The following LYPD6B variants were observed in gnomAD, a reference collection of about 807,000 sequenced individuals.
The protein encoded by LYPD6B is LY6/PLAUR domain containing 6B.
Under a neutral mutation model 22.8 loss-of-function variants are expected in LYPD6B, and 17 were observed. The observed-to-expected ratio is 0.75, with a 90% CI of 0.51 to 1.12. The LOEUF is 1.12. LYPD6B is among the 50% of genes most tolerant of loss of function. LYPD6B has a pLI of 0.00. For synonymous variants in LYPD6B, 106 were observed against 91.6 expected (o/e 1.16, Z -0.90); for missense variants, 221 against 258.3 (o/e 0.86, Z 0.99).
chr2:149,123,839 G>A (rs1210483880), intron 1 of LYPD6B, among the ~76,000 whole-genome samples: 2 of 152,176 alleles, frequency 1.3e-5, no homozygotes, highest in South Asian at 2.1e-4. Context: ...CAGCCTGGCC[G>A]ACAGAGAGAG....
rs187292354 is a variant in LYPD6B at position 149,065,222 on chromosome 2, G to T, written c.-67+26421G>T. On this transcript the variant is annotated intron_variant, in intron 1 of 6. Coordinates refer to ENST00000409642, the MANE Select transcript of LYPD6B (RefSeq NM_177964.5). The stretch of plus-strand genomic sequence containing the variant: ...TAGACATCCAACAAAATCATTGTAG[G>T]AAACAATGTGTGTTTGAAAACTACT... 1.3e-4 allele frequency among the ~76,000 whole-genome samples: 20 copies of T among 152,280 alleles called. No homozygotes were observed. The East Asian group carries it at 3.3e-3, about 25-fold the overall frequency.
chr2:149,119,340 C>T (rs375597830), intron 1 of LYPD6B, among the ~76,000 whole-genome samples: 11 of 152,252 alleles, frequency 7.2e-5, no homozygotes, highest in African/African-American at 2.2e-4. Context: ...AAAATTAAAG[C>T]GTAAGAAGCT....
intron 3 of LYPD6B, among the ~76,000 whole-genome samples, chr2:149,167,108 G>T (rs1383154109): frequency 6.6e-6 from 1 of 150,854 alleles, no homozygotes; most frequent in African/African-American, 2.4e-5. Context: ...ATTCAAACCA[G>T]CTGGGACAGT....
At chr2:149,066,008 G>T (rs558175764) in intron 1 of LYPD6B, among the ~76,000 whole-genome samples, 5 of 152,046 alleles carry the variant, frequency 3.3e-5, no homozygotes, top group Non-Finnish European at 7.4e-5. Context: ...TACCGCACTC[G>T]GCCCTAATAA....
Position 149,214,603 on chromosome 2 carries a change from A to G in LYPD6B, c.517A>G (p.Thr173Ala). Reference sequence around the variant, plus strand: ...CAATGTAGAATTACCCACCAATCACACTAATGCAGTGTTTGCCGTAATGCA... The same window carrying G: ...CAATGTAGAATTACCCACCAATCACGCTAATGCAGTGTTTGCCGTAATGCA... ...ICNVELPTNH[T>A]NAVFAVMHAQ... The change falls in exon 7 of 7, where the codon ACT becomes GCT. Residue 173 changes from threonine to alanine, a missense_variant. Transcript: ENST00000409642. The G allele has an allele frequency of 6.2e-7, 1 of 1,613,876 alleles. No homozygotes were observed. The highest frequency in any genetic ancestry group is 2.2e-5 in the East Asian group (1 of 44,860).
chr2:149,084,199 T>C (rs1574937712), intron 1 of LYPD6B, among the ~76,000 whole-genome samples: 1 of 152,208 alleles, frequency 6.6e-6, no homozygotes, highest in East Asian at 1.9e-4. Context: ...CCCAACAACT[T>C]TCCAACCCTG....
At chr2:149,072,014 C>T (rs1684626672) in intron 1 of LYPD6B, among the ~76,000 whole-genome samples, 1 of 152,154 alleles carries the variant, frequency 6.6e-6, no homozygotes, top group African/African-American at 2.4e-5. Flanking sequence ...TCACTACAAC[C>T]TCTGCCTCCC....
At chr2:149,147,755 G>C (rs417977) in intron 2 of LYPD6B, among the ~76,000 whole-genome samples, 96,427 of 151,878 alleles carry the variant, frequency 0.63, 30,731 homozygotes, top group South Asian at 0.75. Context: ...CACAGGTGAT[G>C]CACTCATCTT....
chr2:149,184,806 A>G (rs1691982720), intron 3 of LYPD6B, among the ~76,000 whole-genome samples: 1 of 152,154 alleles, frequency 6.6e-6, no homozygotes, highest in African/African-American at 2.4e-5. Context: ...TCAGGTGTGT[A>G]TGGAGTGGTG....
At chr2:149,082,481 G>A (rs924234230) in intron 1 of LYPD6B, among the ~76,000 whole-genome samples, 2 of 152,202 alleles carry the variant, frequency 1.3e-5, no homozygotes, top group African/African-American at 4.8e-5. Context: ...GAGAGAAATA[G>A]AGAAGTTCTT....
intron 2 of LYPD6B, among the ~76,000 whole-genome samples, chr2:149,141,376 T>C (rs1688684376): frequency 6.6e-6 from 1 of 152,204 alleles, no homozygotes; most frequent in African/African-American, 2.4e-5. Flanking sequence ...AGTTGTTTGG[T>C]GTGTCTTTTC....
chr2:149,136,358 T>C (rs1246556978), intron 2 of LYPD6B, among the ~76,000 whole-genome samples: 1 of 152,180 alleles, frequency 6.6e-6, no homozygotes, highest in African/African-American at 2.4e-5. Context: ...CTGGACTAAA[T>C]GAAAGAATTA....
At chr2:149,113,512 G>T (rs1481963277) in intron 1 of LYPD6B, among the ~76,000 whole-genome samples, 1 of 152,186 alleles carries the variant, frequency 6.6e-6, no homozygotes, top group African/African-American at 2.4e-5. Context: ...TCCTGGCTAA[G>T]TGGGCAGTAT....
At chr2:149,137,875 G>C (rs1419221413) in intron 2 of LYPD6B, among the ~76,000 whole-genome samples, 1 of 152,098 alleles carries the variant, frequency 6.6e-6, no homozygotes, top group Non-Finnish European at 1.5e-5. Context: ...CAATCTTTCT[G>C]GGGCAATTTG....
intron 2 of LYPD6B, among the ~76,000 whole-genome samples, chr2:149,158,430 A>T (rs1689843287): frequency 6.6e-6 from 1 of 152,212 alleles, no homozygotes; most frequent in Non-Finnish European, 1.5e-5. Context: ...GAAAGGATAA[A>T]TATTGTATGA....
intron 1 of LYPD6B, among the ~76,000 whole-genome samples, chr2:149,071,595 A>G (rs1294275403): frequency 4.6e-5 from 7 of 152,212 alleles, no homozygotes; most frequent in Non-Finnish European, 7.3e-5. Context: ...CATACACTAA[A>G]TAATAACAAT....
intron 1 of LYPD6B, among the ~76,000 whole-genome samples, chr2:149,065,310 A>G (rs781464292): frequency 6.6e-6 from 1 of 152,318 alleles, no homozygotes; most frequent in East Asian, 1.9e-4. Flanking sequence ...TGCCAAGTTG[A>G]TCCAAAGGCT....
rs1480641584 is a variant in LYPD6B at position 149,131,412 on chromosome 2, G to A, written c.5+459G>A. 5 of 153,232 alleles carry A rather than the reference G, an allele frequency of 3.3e-5. No homozygotes were observed. The East Asian group carries it at 9.6e-4, about 29-fold the overall frequency. 9.5% of individuals were successfully genotyped at this position (153,232 alleles called of 1,614,324 possible). A position where few individuals can be genotyped will look rare whatever the true frequency, so the allele number is the denominator to read the frequency against. ...ATAGGTCTAAATAACCTCCTTAGTTGTACTGGCAGGACCAAGTAAAAAGAC... is the reference window on the plus strand; with the variant it reads ...ATAGGTCTAAATAACCTCCTTAGTTATACTGGCAGGACCAAGTAAAAAGAC... On this transcript the variant is annotated intron_variant, in intron 2 of 6. Coordinates refer to ENST00000409642, the MANE Select transcript of LYPD6B (RefSeq NM_177964.5).
intron 3 of LYPD6B, among the ~76,000 whole-genome samples, chr2:149,174,264 C>T (rs746913243): frequency 1.3e-5 from 2 of 152,194 alleles, no homozygotes; most frequent in African/African-American, 2.4e-5. Flanking sequence ...AGTTGCTTAT[C>T]AGCTAAAGAA....
Sources: gnomAD v4.1 joint callset for allele counts (sites outside exome capture counted in the v4.1 genomes callset) on GRCh38, gnomAD v4.1.1 for gene constraint, MANE v1.5 for transcripts, NCBI Gene and HGNC (gene_info 2026-07-23, HGNC 2026-07-21) for gene names.